Variants in PDE9A observed in about 807,000 individuals in gnomAD.
The protein encoded by PDE9A is high affinity cGMP-specific 3',5'-cyclic phosphodiesterase 9A.
A neutral mutation model predicts 87.4 loss-of-function variants in PDE9A; 60 were observed. The ratio of observed to expected loss-of-function variants is 0.69; its 90% confidence interval spans 0.56 to 0.85. PDE9A has a LOEUF of 0.85. Ranked by LOEUF, PDE9A falls within the 40% of genes least tolerant of loss-of-function variation. PDE9A has a pLI of 0.00. For missense variants in PDE9A, 665 were observed against 779.0 expected, an observed-to-expected ratio of 0.85 and a Z score of 1.74; for synonymous variants, 272 against 279.4, an observed-to-expected ratio of 0.97 and a Z score of 0.27.
At chr21:42,676,217 C>T (rs2058836483) in intron 1 of PDE9A, among the ~76,000 whole-genome samples, 1 of 152,150 alleles carries the variant, frequency 6.6e-6, no homozygotes, top group Non-Finnish European at 1.5e-5. Flanking sequence ...TATAAATGAC[C>T]CAGTCTCAGA....
intron 14 of PDE9A, among the ~76,000 whole-genome samples, chr21:42,764,331 G>A (rs934085690): frequency 1.3e-5 from 2 of 152,176 alleles, no homozygotes; most frequent in Admixed American, 1.3e-4. Flanking sequence ...CTCCATGTTT[G>A]TGCCCCTCCC....
At chr21:42,667,576 T>C (rs2145907299) in intron 1 of PDE9A, among the ~76,000 whole-genome samples, 1 of 152,266 alleles carries the variant, frequency 6.6e-6, no homozygotes, top group South Asian at 2.1e-4. Flanking sequence ...ATGAAAGCAC[T>C]TGGCCTGCTT....
chr21:42,766,474 C>G (rs2056414261), intron 15 of PDE9A, among the ~76,000 whole-genome samples: 1 of 152,212 alleles, frequency 6.6e-6, no homozygotes, highest in African/African-American at 2.4e-5. Flanking sequence ...AATAGCATCA[C>G]TTTCCACCTC....
At chr21:42,657,234 T>G (rs555132271) in intron 1 of PDE9A, among the ~76,000 whole-genome samples, 1 of 152,244 alleles carries the variant, frequency 6.6e-6, no homozygotes, top group Non-Finnish European at 1.5e-5. Context: ...CAGCAGCATC[T>G]GCACCGGCCT....
At chr21:42,673,764 T>G (rs1467030390) in intron 1 of PDE9A, among the ~76,000 whole-genome samples, 2 of 152,142 alleles carry the variant, frequency 1.3e-5, no homozygotes, top group South Asian at 2.1e-4. Context: ...AGAACCGCCC[T>G]CCTCGCTGTG....
At chr21:42,671,601 T>C (rs1017749102) in intron 1 of PDE9A, among the ~76,000 whole-genome samples, 2 of 152,180 alleles carry the variant, frequency 1.3e-5, no homozygotes, top group African/African-American at 4.8e-5. Context: ...TAGAGGTAAA[T>C]TGCAGATGAA....
intron 1 of PDE9A, among the ~76,000 whole-genome samples, chr21:42,670,306 CTTAG>C (rs1231520490): frequency 7.3e-5 from 10 of 136,436 alleles, no homozygotes; most frequent in African/African-American, 2.7e-4. Flanking sequence ...CACACATACA[CTTAG>C]ACACCACACT....
At chr21:42,682,142 T>C (rs1343214980) in intron 1 of PDE9A, among the ~76,000 whole-genome samples, 1 of 152,238 alleles carries the variant, frequency 6.6e-6, no homozygotes, top group African/African-American at 2.4e-5. Context: ...CTCATCCAGA[T>C]CTAAAATGAC....
Position 42,754,067 on chromosome 21 carries a change from A to G in PDE9A, c.810+3A>G. 2 of 1,607,478 alleles carry G rather than the reference A, an allele frequency of 1.2e-6. No individual in the cohort carries two copies. The highest frequency in any genetic ancestry group is 2.2e-5 in the South Asian group (2 of 90,898). The stretch of plus-strand genomic sequence containing the variant: ...TCTGGCTTTGGGAGCCCAATGAGGT[A>G]AGTGCGGGGCTTGCAGGCACCACGT... On this transcript the variant is annotated splice_donor_region_variant and intron_variant, in intron 10 of 19. Coordinates refer to ENST00000291539, the MANE Select transcript of PDE9A (RefSeq NM_002606.3).
At chr21:42,721,071 A>C (rs1245465335) in intron 4 of PDE9A, among the ~76,000 whole-genome samples, 1 of 152,026 alleles carries the variant, frequency 6.6e-6, no homozygotes, top group East Asian at 1.9e-4. Flanking sequence ...GAGCATAGTA[A>C]CAGCTCCTTG....
rs1416012570 is a variant in PDE9A at position 42,659,954 on chromosome 21, C to T, written c.69+6071C>T. 6.6e-6 allele frequency among the ~76,000 whole-genome samples: 1 copy of T among 152,212 alleles called. No homozygotes were observed. Among genetic ancestry groups the T allele is most frequent in the Non-Finnish European group, 1.5e-5 (1 of 68,042 alleles). ...AATGAGAGATGAAACGGGGACGAGC[C>T]GGGCAGCTGATCTCAGTGCAGCAAC... is the stretch of plus-strand genomic sequence containing the variant. On this transcript the variant is annotated intron_variant, in intron 1 of 19. Coordinates refer to ENST00000291539, the MANE Select transcript of PDE9A (RefSeq NM_002606.3). This position sits in a 1 kb window ranked among gnomAD's most constrained non-coding sequence, Gnocchi z 4.1.
intron 3 of PDE9A, among the ~76,000 whole-genome samples, chr21:42,698,684 C>T (rs138685421): frequency 6.6e-6 from 1 of 152,282 alleles, no homozygotes; most frequent in East Asian, 1.9e-4. Flanking sequence ...ACATTTCCAA[C>T]TTGATACAGC....
rs1052220896 is a variant in PDE9A, at chr21:42,694,447, G to A, written c.219-4521G>A. ...CCAGATTCACAGCCATAGGGTGGGC[G>A]TTTCATGAAATCTCCAAATTCCAAG... On this transcript the variant is annotated intron_variant, in intron 3 of 19. Transcript: ENST00000291539. The surrounding 1 kb of genome is among the most constrained non-coding windows in gnomAD (Gnocchi z 5.3). Among the ~76,000 whole-genome samples the A allele has an allele frequency of 4.6e-5, 7 of 152,272 alleles. No homozygotes were observed. The highest frequency in any genetic ancestry group is 4.1e-4 in the South Asian group (2 of 4,824).
At chr21:42,764,431 C>T (rs907328566) in intron 14 of PDE9A, among the ~76,000 whole-genome samples, 4 of 152,208 alleles carry the variant, frequency 2.6e-5, no homozygotes, top group Admixed American at 2.0e-4. Context: ...GAAGAGAGAA[C>T]GCTGCATCTG....
At chr21:42,674,907 A>G (rs1177157145) in intron 1 of PDE9A, among the ~76,000 whole-genome samples, 2 of 152,220 alleles carry the variant, frequency 1.3e-5, no homozygotes, top group African/African-American at 4.8e-5. Flanking sequence ...TCTGTTATCA[A>G]TTTCTAAGCT....
intron 7 of PDE9A, among the ~76,000 whole-genome samples, chr21:42,741,977 A>T (rs997126512): frequency 6.6e-6 from 1 of 152,192 alleles, no homozygotes; most frequent in Non-Finnish European, 1.5e-5. Context: ...CAAAGTAACA[A>T]AGCTAATCTT....
chr21:42,654,974 G>A (rs2145746694), intron 1 of PDE9A, among the ~76,000 whole-genome samples: 1 of 152,200 alleles, frequency 6.6e-6, no homozygotes, highest in East Asian at 1.9e-4. Flanking sequence ...AGCGGCAGAC[G>A]CACAACTAGA....
chr21:42,686,538 G>C (rs2059485090), intron 2 of PDE9A, among the ~76,000 whole-genome samples: 2 of 152,188 alleles, frequency 1.3e-5, no homozygotes, highest in African/African-American at 4.8e-5. Flanking sequence ...TTTTCTGCCG[G>C]GCGTGGTGTC....
chr21:42,749,136 G>T (rs1172865721), intron 8 of PDE9A, among the ~76,000 whole-genome samples: 3 of 152,210 alleles, frequency 2.0e-5, no homozygotes, highest in South Asian at 4.1e-4. Flanking sequence ...TTTAATTCTT[G>T]GCTTAAGATA....
Sources: gnomAD v4.1 joint callset for allele counts (sites outside exome capture counted in the v4.1 genomes callset) on GRCh38, gnomAD v4.1.1 for gene constraint, Gnocchi (gnomAD v3.1) non-coding constraint, MANE v1.5 for transcripts, NCBI Gene and HGNC (gene_info 2026-07-23, HGNC 2026-07-21) for gene names.